The following TUBA1C variants were observed in gnomAD, a reference collection of about 807,000 sequenced individuals.
The protein encoded by TUBA1C is tubulin alpha-1C chain.
In TUBA1C, 16 loss-of-function variants were observed where a neutral mutation model predicts 34.9. The ratio of observed to expected loss-of-function variants is 0.46; its 90% CI spans 0.31 to 0.70. The LOEUF is 0.70. Ranked by LOEUF, TUBA1C falls within the 30% of genes least tolerant of loss-of-function variation. The pLI, the probability that TUBA1C is intolerant of heterozygous loss-of-function variation, is 0.05. For missense variants in TUBA1C, 329 were observed against 587.3 expected, an observed-to-expected ratio of 0.56 and a Z score of 4.55; for synonymous variants, 177 against 215.9, an observed-to-expected ratio of 0.82 and a Z score of 1.58.
Position 49,273,410 on chromosome 12 carries a change from G to A in TUBA1C, c.*183G>A, listed in dbSNP as rs143072359. On this transcript the variant is annotated 3_prime_UTR_variant, in exon 4 of 4. Transcript: ENST00000301072. ...TGGTAGATGAAACCACCTGAGTCGA[G>A]GGTCTTGCTCTGTCACCCAGGCTGG... is the stretch of plus-strand genomic sequence containing the variant. 77 of 1,110,446 alleles carry A rather than the reference G, an allele frequency of 6.9e-5. No individual in the cohort carries two copies. Among genetic ancestry groups the A allele is most frequent in the Non-Finnish European group, 1.2e-5 (9 of 776,928 alleles). The allele number at this position is 1,110,446 out of a possible 1,614,324, so 68.8% of individuals were successfully genotyped here. A position where few individuals can be genotyped will look rare whatever the true frequency, so the allele number is the denominator to read the frequency against.
At chr12:49,262,175 G>A (rs1942846301), upstream of TUBA1C, among the ~76,000 whole-genome samples, 1 of 151,542 alleles carries the variant, frequency 6.6e-6, no homozygotes, top group South Asian at 2.1e-4. Context: ...AGCACTTTGG[G>A]AGGCCAAGGC....
intron 1 of TUBA1C, among the ~76,000 whole-genome samples, chr12:49,235,775 A>G (rs906392982): frequency 2.6e-5 from 4 of 152,094 alleles, no homozygotes; most frequent in Admixed American, 6.6e-5. Flanking sequence ...TTAAAAAATA[A>G]AAAGAGACCA....
chr12:49,264,368 A>G (rs1035714582), upstream of TUBA1C, among the ~76,000 whole-genome samples: 15 of 152,238 alleles, frequency 9.9e-5, no homozygotes, highest in African/African-American at 3.6e-4. Flanking sequence ...GGACGTAAGG[A>G]AAAGCAACCA....
intron 1 of TUBA1C, among the ~76,000 whole-genome samples, chr12:49,243,971 G>A (rs577561751): frequency 4.6e-5 from 7 of 151,996 alleles, no homozygotes; most frequent in South Asian, 2.1e-4. Flanking sequence ...GCCACACAGC[G>A]AGATCCCGTA....
At chr12:49,249,923 A>G (rs1314184347) in intron 1 of TUBA1C, among the ~76,000 whole-genome samples, 1 of 150,248 alleles carries the variant, frequency 6.7e-6, no homozygotes, top group African/African-American at 2.5e-5. Context: ...AAGGCCAGAC[A>G]TGGTGGCTTA....
chr12:49,240,973 C>T (rs1474426737), intron 1 of TUBA1C, among the ~76,000 whole-genome samples: 3 of 152,016 alleles, frequency 2.0e-5, no homozygotes, highest in African/African-American at 7.2e-5. Flanking sequence ...GAGATCTCAG[C>T]TTACTGTAAT....
At chr12:49,265,235 G>A in intron 1 of TUBA1C, 51 bp downstream of exon 1, 5 of 1,530,828 alleles carry the variant, frequency 3.3e-6, no homozygotes, top group Non-Finnish European at 1.8e-6. Context: ...CCAGGGGACG[G>A]CGGGCCCGGA....
At chr12:49,241,005 G>T (rs148205742) in intron 1 of TUBA1C, among the ~76,000 whole-genome samples, 1 of 151,994 alleles carries the variant, frequency 6.6e-6, no homozygotes, top group Non-Finnish European at 1.5e-5. Flanking sequence ...GGGTTCAAGC[G>T]ATTCTCCCGC....
chr12:49,267,706 C>T (rs1157796546), intron 1 of TUBA1C, among the ~76,000 whole-genome samples: 1 of 152,156 alleles, frequency 6.6e-6, no homozygotes, highest in Non-Finnish European at 1.5e-5. Flanking sequence ...TCCTGTTCTC[C>T]CACACCCCTG....
chr12:49,269,352 T>G, intron 1 of TUBA1C, 113 bp from the exon 2 acceptor site: 1 of 1,517,636 alleles, frequency 6.6e-7, no homozygotes, highest in Non-Finnish European at 8.9e-7. Context: ...TGTGAGTCAC[T>G]GCGCCCAGCC....
At chr12:49,232,180 G>C (rs1369140360) in intron 1 of TUBA1C, among the ~76,000 whole-genome samples, 1 of 152,186 alleles carries the variant, frequency 6.6e-6, no homozygotes, top group East Asian at 1.9e-4. Flanking sequence ...AATCCAAAGA[G>C]CAGAAACTGT....
At chr12:49,248,641 A>G (rs1480697060) in intron 1 of TUBA1C, among the ~76,000 whole-genome samples, 2 of 151,694 alleles carry the variant, frequency 1.3e-5, no homozygotes, top group Non-Finnish European at 2.9e-5. Flanking sequence ...AGGCGGGCGG[A>G]TCACGAGGTC....
At position 49,273,081 on chromosome 12, in the gene TUBA1C, C is replaced by T. The variant is rs1565652132; in HGVS notation, c.1204C>T (p.Arg402Cys). ...DHKFDLMYAK[R>C]AFVHWYVGEG... ...CAAGTTTGACCTGATGTATGCCAAGCGTGCCTTTGTTCACTGGTACGTGGG... is the reference window on the plus strand; with the variant it reads ...CAAGTTTGACCTGATGTATGCCAAGTGTGCCTTTGTTCACTGGTACGTGGG... The change falls in exon 4 of 4, where the codon CGT becomes TGT. Residue 402 changes from arginine to cysteine, a missense_variant. Coordinates refer to ENST00000301072, the MANE Select transcript of TUBA1C (RefSeq NM_032704.5). The T allele has an allele frequency of 5.0e-6, 8 of 1,614,180 alleles. No homozygotes were observed. The highest frequency in any genetic ancestry group is 5.1e-6 in the Non-Finnish European group (6 of 1,180,046).
intron 1 of TUBA1C, among the ~76,000 whole-genome samples, chr12:49,251,174 T>C (rs1249479874): frequency 6.6e-6 from 1 of 152,090 alleles, no homozygotes; most frequent in East Asian, 1.9e-4. Context: ...ACCACTGCAC[T>C]CCAGCCTGGG....
Position 49,273,305 on chromosome 12 carries a change from T to A in TUBA1C, c.*78T>A. 6.2e-7 allele frequency: 1 copy of A among 1,611,352 alleles called. No individual in the cohort carries two copies. Among genetic ancestry groups the A allele is most frequent in the Non-Finnish European group, 8.5e-7 (1 of 1,178,112 alleles). On this transcript the variant is annotated 3_prime_UTR_variant, in exon 4 of 4. Coordinates refer to ENST00000301072, the MANE Select transcript of TUBA1C (RefSeq NM_032704.5). ...TCTGTAAATGTCTATTGCCGTAAAT[T>A]GTTAATAAAATTGAAGTTTCCATTT...
intron 1 of TUBA1C, among the ~76,000 whole-genome samples, chr12:49,254,101 C>G (rs1024201539): frequency 2.8e-4 from 42 of 152,064 alleles, no homozygotes; most frequent in Admixed American, 7.9e-4. Context: ...CACCTGAGGT[C>G]GGGATTTCGA....
At chr12:49,228,267 T>C in intron 1 of TUBA1C, 1 of 1,138,258 alleles carries the variant, frequency 8.8e-7, no homozygotes, top group Non-Finnish European at 1.2e-6. Context: ...TGCTCCTATT[T>C]ATTGTTTCAT....
intron 1 of TUBA1C, among the ~76,000 whole-genome samples, chr12:49,254,674 A>G (rs1342271806): frequency 6.6e-6 from 1 of 152,044 alleles, no homozygotes; most frequent in African/African-American, 2.4e-5. Flanking sequence ...CCGGTAGTTT[A>G]GGGATTTTTA....
At chr12:49,259,745 T>G (rs1024088038) in intron 1 of TUBA1C, among the ~76,000 whole-genome samples, 13 of 152,222 alleles carry the variant, frequency 8.5e-5, no homozygotes, top group Non-Finnish European at 1.6e-4. Context: ...ACCTCTAAGT[T>G]TCCTAACTAT....
Sources: allele counts gnomAD v4.1 joint callset (sites outside exome capture counted in the v4.1 genomes callset), GRCh38; gene constraint gnomAD v4.1.1; transcripts MANE v1.5; gene names NCBI Gene and HGNC (gene_info 2026-07-23, HGNC 2026-07-21).